The following ST18 variants were observed in gnomAD, a reference collection of about 807,000 sequenced individuals.
The protein encoded by ST18 is ST18 C2H2C-type zinc finger transcription factor, also known as suppression of tumorigenicity 18 protein.
In ST18, 50 loss-of-function variants were observed where a neutral mutation model predicts 110.0. That is an observed-to-expected ratio of 0.45 (90% confidence interval 0.36 to 0.58). The LOEUF (loss-of-function observed/expected upper bound fraction) is 0.58, where lower values mean the gene tolerates loss of function less well. Among genes scored for constraint, ST18 ranks in the 20% least tolerant of loss-of-function variants. The pLI is 0.00. For synonymous variants in ST18, 461 were observed against 452.4 expected (o/e 1.02, Z -0.24); for missense variants, 1,306 against 1,280.1 (o/e 1.02, Z -0.31).
intron 2 of ST18, among the ~76,000 whole-genome samples, chr8:52,347,378 C>G (rs1435865753): frequency 1.3e-5 from 2 of 152,156 alleles, no homozygotes; most frequent in Admixed American, 6.5e-5. Context: ...ACAGAGGAAA[C>G]AGCAGAGGCG....
chr8:52,233,955 T>C (rs2092119746), intron 2 of ST18, among the ~76,000 whole-genome samples: 1 of 152,308 alleles, frequency 6.6e-6, no homozygotes, highest in African/African-American at 2.4e-5. Context: ...TCGATTCCTC[T>C]TGCCTAACTG....
intron 10 of ST18, 82 bp from the exon 11 acceptor site, chr8:52,167,068 A>G (rs776149527): frequency 1.5e-5 from 23 of 1,503,788 alleles, no homozygotes; most frequent in Non-Finnish European, 2.0e-5. Flanking sequence ...GCAGGGTGAC[A>G]TTCTCACTTT....
intron 5 of ST18, among the ~76,000 whole-genome samples, chr8:52,218,384 T>A (rs2085209516): frequency 7.2e-6 from 1 of 138,624 alleles, no homozygotes; most frequent in Non-Finnish European, 1.5e-5. Flanking sequence ...TACTCTTTTT[T>A]TTTCTTTTTT....
chr8:52,375,476 C>G (rs199664427), intron 2 of ST18, among the ~76,000 whole-genome samples: 3 of 151,646 alleles, frequency 2.0e-5, no homozygotes, highest in Non-Finnish European at 4.4e-5. Flanking sequence ...TACTCTTTTC[C>G]TCCTAACTCT....
intron 2 of ST18, among the ~76,000 whole-genome samples, chr8:52,362,019 T>A (rs1221294951): frequency 6.6e-6 from 1 of 152,234 alleles, no homozygotes; most frequent in Non-Finnish European, 1.5e-5. Flanking sequence ...TTTGAACCTA[T>A]ATTCTAGTTC....
At chr8:52,319,615 A>G (rs1478445540) in intron 2 of ST18, among the ~76,000 whole-genome samples, 2 of 152,164 alleles carry the variant, frequency 1.3e-5, no homozygotes, top group African/African-American at 4.8e-5. Flanking sequence ...TGTGTGGCAA[A>G]GTACCCCACA....
At chr8:52,132,907 C>G (rs2050274056) in intron 21 of ST18, 150 bp downstream of exon 21, 1 of 872,274 alleles carries the variant, frequency 1.1e-6, no homozygotes, top group Admixed American at 2.6e-5. Context: ...AAACTTTTCT[C>G]AAACCACCAA....
At chr8:52,125,480 T>TTTG (rs1343668592) in intron 23 of ST18, among the ~76,000 whole-genome samples, 1 of 152,076 alleles carries the variant, frequency 6.6e-6, no homozygotes, top group Non-Finnish European at 1.5e-5. Context: ...CTAGTGTATC[T>TTTG]TTGTTGTTGT....
chr8:52,333,889 A>G (rs1351234240), intron 2 of ST18, among the ~76,000 whole-genome samples: 1 of 151,986 alleles, frequency 6.6e-6, no homozygotes, highest in Non-Finnish European at 1.5e-5. Flanking sequence ...AGAAATAGAC[A>G]AGTTTCTGCA....
chr8:52,372,155 C>A (rs1830488387), intron 2 of ST18, among the ~76,000 whole-genome samples: 1 of 151,752 alleles, frequency 6.6e-6, no homozygotes, highest in African/African-American at 2.4e-5. Flanking sequence ...TGATCCTGAC[C>A]CTTTGTAGGC....
intron 2 of ST18, among the ~76,000 whole-genome samples, chr8:52,390,122 G>A (rs1038191350): frequency 6.6e-6 from 1 of 152,108 alleles, no homozygotes; most frequent in Non-Finnish European, 1.5e-5. Flanking sequence ...TTTCCCATGC[G>A]AGCATGCTGC....
At chr8:52,388,973 T>TTA (rs1554865844) in intron 2 of ST18, among the ~76,000 whole-genome samples, 3 of 142,694 alleles carry the variant, frequency 2.1e-5, no homozygotes, top group African/African-American at 7.7e-5. Context: ...AATAATAATT[T>TTA]AAAAAAAAAA....
rs2052901568 is a variant in ST18 at position 52,137,404 on chromosome 8, A to G, written c.2231+17T>C. The G allele has an allele frequency of 7.4e-6, 12 of 1,614,020 alleles. No individual in the cohort carries two copies. The highest frequency in any genetic ancestry group is 1.0e-5 in the Non-Finnish European group (12 of 1,179,902). The stretch of plus-strand genomic sequence containing the variant: ...CAAGACCATGAAAATCTGACTGCAC[A>G]TGAGGTCATTGGGTACCTGCGATGA... On this transcript the variant is annotated intron_variant, in intron 18 of 25. Coordinates refer to ENST00000689386, the MANE Select transcript of ST18 (RefSeq NM_001352837.2).
intron 2 of ST18, among the ~76,000 whole-genome samples, chr8:52,291,587 A>G (rs1480166117): frequency 6.6e-6 from 1 of 152,206 alleles, no homozygotes; most frequent in African/African-American, 2.4e-5. Context: ...ACTTTAAAGA[A>G]CTAAAACTGC....
chr8:52,376,287 C>G (rs1403939689), intron 2 of ST18, among the ~76,000 whole-genome samples: 1 of 152,130 alleles, frequency 6.6e-6, no homozygotes, highest in Non-Finnish European at 1.5e-5. Context: ...TCTTTCCACT[C>G]CACCTACACA....
chr8:52,361,627 A>G (rs1459868136), intron 2 of ST18, among the ~76,000 whole-genome samples: 1 of 152,198 alleles, frequency 6.6e-6, no homozygotes, highest in East Asian at 1.9e-4. Flanking sequence ...GCATATTTCT[A>G]TTCCTTTTAA....
chr8:52,129,451 C>CAAAAAAA (rs34059224), intron 22 of ST18, among the ~76,000 whole-genome samples: 13 of 72,262 alleles, frequency 1.8e-4, no homozygotes, highest in African/African-American at 5.0e-4. Flanking sequence ...GAGACTCCAT[C>CAAAAAAA]AAAAAAAAAA....
intron 2 of ST18, among the ~76,000 whole-genome samples, chr8:52,311,893 G>C (rs16917650): frequency 0.017 from 2,557 of 152,240 alleles, 64 homozygotes; most frequent in African/African-American, 0.059. Context: ...ACCATATCAA[G>C]GACTTAGCAC....
chr8:52,228,126 T>G (rs2090126238), intron 3 of ST18, among the ~76,000 whole-genome samples: 1 of 152,208 alleles, frequency 6.6e-6, no homozygotes, highest in Non-Finnish European at 1.5e-5. Context: ...TGTCTTCTCT[T>G]ATGTTGAAAA....
Sources: gnomAD v4.1 joint callset for allele counts (sites outside exome capture counted in the v4.1 genomes callset) on GRCh38, gnomAD v4.1.1 for gene constraint, MANE v1.5 for transcripts, NCBI Gene and HGNC (gene_info 2026-07-23, HGNC 2026-07-21) for gene names.